DIP2A: variants seen among roughly 807,000 people sequenced by gnomAD.
DIP2A encodes the protein DIP2 acetate--CoA ligase A, also known as disco-interacting protein 2 homolog A.
A neutral mutation model predicts 177.4 loss-of-function variants in DIP2A; 85 were observed. The ratio of observed to expected loss-of-function variants is 0.48; its 90% CI spans 0.40 to 0.57. The LOEUF is 0.57. Ranked by LOEUF, DIP2A falls within the 20% of genes least tolerant of loss-of-function variation. The pLI is 0.00. For missense variants in DIP2A, 1,791 were observed against 2,100.2 expected (o/e 0.85, Z 2.88); for synonymous variants, 886 against 881.8 (o/e 1.00, Z -0.08).
chr21:46,573,111 A>C (rs1229664743), downstream of DIP2A, among the ~76,000 whole-genome samples: 1 of 151,626 alleles, frequency 6.6e-6, no homozygotes, highest in Non-Finnish European at 1.5e-5. Context: ...CACAAAAGGA[A>C]GTGAGAAAGG....
chr21:46,570,960 G>A (rs1465800031), downstream of DIP2A, among the ~76,000 whole-genome samples: 1 of 152,132 alleles, frequency 6.6e-6, no homozygotes, highest in African/African-American at 2.4e-5. Context: ...AAAGCAACAA[G>A]GGAGAAGCAA....
intron 16 of DIP2A, chr21:46,539,536 C>G (rs769657081): frequency 8.2e-6 from 3 of 365,958 alleles, no homozygotes; most frequent in Non-Finnish European, 1.6e-5. Context: ...CACCTCCTCT[C>G]CAGTGCCTCT....
intron 33 of DIP2A, 177 bp downstream of exon 33, chr21:46,560,960 C>G (rs1372839024): frequency 2.0e-6 from 2 of 985,276 alleles, no homozygotes; most frequent in East Asian, 2.3e-4. Flanking sequence ...ATTGGGCCAT[C>G]TGCACCAAGA....
rs915380229 is a variant in DIP2A, at chr21:46,498,133, G to A, written c.404-449G>A. On this transcript the variant is annotated intron_variant, in intron 4 of 37. Coordinates refer to ENST00000417564, the MANE Select transcript of DIP2A (RefSeq NM_015151.4). This position sits in a 1 kb window ranked among gnomAD's most constrained non-coding sequence, Gnocchi z 4.3. ...CATGTTGTTGCTGGGGCCATGCACA[G>A]GCCAGGATGCCTTCTCACTGCCTCC... Among the ~76,000 whole-genome samples the A allele has an allele frequency of 6.6e-6, 1 of 152,214 alleles. No individual in the cohort carries two copies. The highest frequency in any genetic ancestry group is 2.4e-5 in the African/African-American group (1 of 41,450).
Position 46,556,442 on chromosome 21 carries a change from G to A in DIP2A, c.3498+351G>A, listed in dbSNP as rs778280579. 6.5e-6 allele frequency: 8 copies of A among 1,235,160 alleles called. No individual in the cohort carries two copies. Among genetic ancestry groups the A allele is most frequent in the South Asian group, 2.5e-5 (2 of 79,396 alleles). The allele number at this position is 1,235,160 out of a possible 1,614,324, so 76.5% of individuals were successfully genotyped here. A position where few individuals can be genotyped will look rare whatever the true frequency, so the allele number is the denominator to read the frequency against. ...CTCACGCCTGTAATCCCAGCACTTCGGGAGGCCGAGGCGGGTGGATCACAA... is the reference window on the plus strand; with the variant it reads ...CTCACGCCTGTAATCCCAGCACTTCAGGAGGCCGAGGCGGGTGGATCACAA... On this transcript the variant is annotated intron_variant, in intron 29 of 37. Transcript: ENST00000417564. This position sits in a 1 kb window ranked among gnomAD's most constrained non-coding sequence, Gnocchi z 4.5.
intron 1 of DIP2A, among the ~76,000 whole-genome samples, chr21:46,477,543 T>TTTTTTGTGTGTGTGTGTGTGTGTGTG (rs374607636): frequency 3.6e-4 from 31 of 87,132 alleles, no homozygotes; most frequent in African/African-American, 1.1e-3. Flanking sequence ...AAAAAAAGAT[T>TTTTTTGTGTGTGTGTGTGTGTGTGTG]TGTGTGTGTG....
chr21:46,552,010 A>G (rs2060291499), intron 25 of DIP2A, 106 bp downstream of exon 25: 3 of 1,322,364 alleles, frequency 2.3e-6, no homozygotes, highest in Non-Finnish European at 3.1e-6. Context: ...TCATGTTTAG[A>G]GAACAGGGTG....
chr21:46,555,784 G>A lies in DIP2A; in HGVS notation c.3389-198G>A, dbSNP rs1601830873. 3 of 582,610 alleles carry A rather than the reference G, an allele frequency of 5.1e-6. No individual in the cohort carries two copies. In the East Asian group the frequency reaches 8.9e-5, roughly 17 times the overall value. The allele number at this position is 582,610 out of a possible 1,614,324, so 36.1% of individuals were successfully genotyped here. A position where few individuals can be genotyped will look rare whatever the true frequency, so the allele number is the denominator to read the frequency against. On this transcript the variant is annotated intron_variant, in intron 28 of 37. Coordinates refer to ENST00000417564, the MANE Select transcript of DIP2A (RefSeq NM_015151.4). ...GGCTCAGTGTGGTCTTGGTGGGACC[G>A]GGTAGCGTTTCCATGAAGAATGAAA...
At chr21:46,535,047 C>T (rs958994599) in intron 13 of DIP2A, among the ~76,000 whole-genome samples, 1 of 152,214 alleles carries the variant, frequency 6.6e-6, no homozygotes, top group African/African-American at 2.4e-5. Context: ...CTGGCTTACT[C>T]TGTGACATAC....
intron 8 of DIP2A, among the ~76,000 whole-genome samples, chr21:46,524,937 A>G (rs1374748036): frequency 2.5e-5 from 3 of 120,206 alleles, no homozygotes; most frequent in African/African-American, 6.6e-5. Flanking sequence ...CACAGGCTGG[A>G]GTGCTGTGGC....
Position 46,558,204 on chromosome 21 carries a change from C to A in DIP2A, c.3799-19C>A. ...TCACTGAGCTGTGGCCGTGGCCTGACCGCTCACCCCTCCCGCAGATGAAGG... is the reference window on the plus strand; with the variant it reads ...TCACTGAGCTGTGGCCGTGGCCTGAACGCTCACCCCTCCCGCAGATGAAGG... On this transcript the variant is annotated intron_variant, in intron 31 of 37. Transcript: ENST00000417564. 1 of 1,600,570 alleles carries A rather than the reference C, an allele frequency of 6.2e-7. No homozygotes were observed. Among genetic ancestry groups the A allele is most frequent in the Non-Finnish European group, 8.5e-7 (1 of 1,174,070 alleles).
At chr21:46,508,378 A>C (rs1182589830) in intron 6 of DIP2A, among the ~76,000 whole-genome samples, 1 of 49,770 alleles carries the variant, frequency 2.0e-5, no homozygotes, top group African/African-American at 7.2e-5. Flanking sequence ...TTTTTTTTTG[A>C]GAAGAAGTCT....
At chr21:46,570,377 T>C (rs1473294809), downstream of DIP2A, among the ~76,000 whole-genome samples, 1 of 152,218 alleles carries the variant, frequency 6.6e-6, no homozygotes, top group Non-Finnish European at 1.5e-5. Context: ...TTGTGTCTGG[T>C]CATGTTGAAT....
chr21:46,541,660 G>T, intron 17 of DIP2A, 96 bp from the exon 18 acceptor site: 2 of 1,428,506 alleles, frequency 1.4e-6, no homozygotes, highest in Non-Finnish European at 1.9e-6. Context: ...TGGAGCAGTG[G>T]CTTTGGTGCA....
rs2148819006 is a variant in DIP2A, at chr21:46,541,842, A to T, written c.2123A>T (p.Glu708Val). 6.2e-7 allele frequency: 1 copy of T among 1,614,026 alleles called. No homozygotes were observed. The highest frequency in any genetic ancestry group is 8.5e-7 in the Non-Finnish European group (1 of 1,179,900). The change falls in exon 18 of 38, where the codon GAA (glutamate) becomes GTA (valine). Residue 708 changes from glutamate (E) to valine (V), a missense_variant. Coordinates refer to ENST00000417564, the MANE Select transcript of DIP2A (RefSeq NM_015151.4). ...LSYGVIRVDT[E>V]EKLSVLTVQD... ...TATGGTGTTATCAGAGTGGATACTG[A>T]AGAAAAGTTGTCAGTCCTTACTGTT...
the DIP2A span, among the ~76,000 whole-genome samples, chr21:46,580,632 C>G: frequency 6.6e-6 from 1 of 152,204 alleles, no homozygotes; most frequent in Non-Finnish European, 1.5e-5. Context: ...TCCTGCAAGG[C>G]AGGCCTGGTA....
At chr21:46,533,963 T>G in intron 11 of DIP2A, 41 bp from the exon 12 acceptor site, 1 of 1,556,800 alleles carries the variant, frequency 6.4e-7, no homozygotes, top group Non-Finnish European at 8.8e-7. Flanking sequence ...AGCAGATGCC[T>G]CTGACTGCTT....
At chr21:46,529,285 C>A in intron 9 of DIP2A, 102 bp downstream of exon 9, 1 of 776,960 alleles carries the variant, frequency 1.3e-6, no homozygotes, top group Non-Finnish European at 2.0e-6. Flanking sequence ...AGAATTACAG[C>A]ATTAATACAA....
rs117207385 is a variant in DIP2A at position 46,512,812 on chromosome 21, C to A, written c.1102+1198C>A. On this transcript the variant is annotated intron_variant, in intron 8 of 37. Transcript: ENST00000417564. ...CACCCAGCTAATTTAAAAAAAAAAA[C>A]AAACAAAACAAAAAAAACTTTTTTT... 1.3e-3 allele frequency among the ~76,000 whole-genome samples: 101 copies of A among 77,912 alleles called. No homozygotes were observed. The South Asian group carries it at 0.02, about 15-fold the overall frequency. 51.1% of individuals were successfully genotyped at this position (77,912 alleles called of 152,430 possible).
Sources: gnomAD v4.1 joint callset for allele counts (sites outside exome capture counted in the v4.1 genomes callset) on GRCh38, gnomAD v4.1.1 for gene constraint, Gnocchi (gnomAD v3.1) non-coding constraint, MANE v1.5 for transcripts, NCBI Gene and HGNC (gene_info 2026-07-23, HGNC 2026-07-21) for gene names.